The following ADAMTS20 variants were observed in gnomAD, a reference collection of about 807,000 sequenced individuals.
The protein encoded by ADAMTS20 is A disintegrin and metalloproteinase with thrombospondin motifs 20.
A neutral mutation model predicts 260.1 loss-of-function variants in ADAMTS20; 225 were observed. That is an observed-to-expected ratio of 0.87 (90% CI 0.78 to 0.97). ADAMTS20 has a LOEUF of 0.97. Among genes scored for constraint, ADAMTS20 ranks in the 50% least tolerant of loss-of-function variants. The probability of loss-of-function intolerance (pLI) is 0.00; values close to 1 mark genes in which losing one functional copy is unlikely to be tolerated. For missense variants in ADAMTS20, 2,400 were observed against 2,337.7 expected, an observed-to-expected ratio of 1.03 and a Z score of -0.55; for synonymous variants, 802 against 769.5, an observed-to-expected ratio of 1.04 and a Z score of -0.70.
intron 7 of ADAMTS20, among the ~76,000 whole-genome samples, chr12:43,472,317 C>T (rs1463770430): frequency 6.6e-6 from 1 of 151,564 alleles, no homozygotes; most frequent in East Asian, 1.9e-4. Context: ...GCAAAGCCTC[C>T]AAGAAATATG....
chr12:43,444,832 A>G (rs1344144255), intron 15 of ADAMTS20, among the ~76,000 whole-genome samples: 2 of 152,170 alleles, frequency 1.3e-5, no homozygotes, highest in Non-Finnish European at 2.9e-5. Flanking sequence ...ACAGTTCAAA[A>G]AGAGCTTAAA....
chr12:43,462,353 G>A (rs1205867861), intron 11 of ADAMTS20, among the ~76,000 whole-genome samples: 3 of 152,210 alleles, frequency 2.0e-5, no homozygotes, highest in Non-Finnish European at 2.9e-5. Context: ...TTATCATGGT[G>A]AGCGTTATTC....
At chr12:43,418,070 A>C (rs140928187) in intron 28 of ADAMTS20, among the ~76,000 whole-genome samples, 2 of 152,320 alleles carry the variant, frequency 1.3e-5, no homozygotes, top group African/African-American at 4.8e-5. Context: ...GTTAAGTTTA[A>C]AATCATAATG....
intron 28 of ADAMTS20, among the ~76,000 whole-genome samples, chr12:43,418,530 A>G (rs1941173974): frequency 6.6e-6 from 1 of 152,108 alleles, no homozygotes; most frequent in Non-Finnish European, 1.5e-5. Context: ...GGATGGTCTC[A>G]ATCTTACTGA....
chr12:43,460,554 A>T (rs1942041080), intron 11 of ADAMTS20, among the ~76,000 whole-genome samples: 1 of 152,182 alleles, frequency 6.6e-6, no homozygotes, highest in African/African-American at 2.4e-5. Flanking sequence ...GATGTTAAAC[A>T]TACACTCACC....
intron 2 of ADAMTS20, among the ~76,000 whole-genome samples, chr12:43,544,134 A>C (rs1943412218): frequency 6.6e-6 from 1 of 152,218 alleles, no homozygotes; most frequent in Non-Finnish European, 1.5e-5. Flanking sequence ...CAATAATTGC[A>C]ACAGAAATAA....
Position 43,490,402 on chromosome 12 carries a change from G to T in ADAMTS20, c.1110C>A (p.Asn370Lys). ...ATTGACAAAATAACTTACCTAACAT[G>T]TTACATTTCTCTTTAGATGAACAAA... ...EDICSSKEKC[N>K]MLGLSYLGTI... The change falls in exon 7 of 39, where the codon AAC becomes AAA. Residue 370 changes from asparagine (N) to lysine (K), a missense_variant. By Grantham distance (94) the Asn-to-Lys change is moderately conservative. Coordinates refer to ENST00000389420, the MANE Select transcript of ADAMTS20 (RefSeq NM_025003.5). 1.6e-6 allele frequency: 2 copies of T among 1,267,392 alleles called. No individual in the cohort carries two copies. Among genetic ancestry groups the T allele is most frequent in the Non-Finnish European group, 2.1e-6 (2 of 934,476 alleles). 78.5% of individuals were successfully genotyped at this position (1,267,392 alleles called of 1,614,324 possible).
chr12:43,503,547 C>T (rs1252755767), intron 3 of ADAMTS20, among the ~76,000 whole-genome samples: 3 of 151,378 alleles, frequency 2.0e-5, no homozygotes, highest in South Asian at 4.2e-4. Context: ...AAATTTTATT[C>T]GTCTTATTCT....
In ADAMTS20 at chr12:43,425,514, C is replaced by T. The variant is rs767495476; in HGVS notation, c.4284G>A (p.Ser1428=). The T allele has an allele frequency of 4.2e-5, 63 of 1,502,754 alleles. No homozygotes were observed. Among genetic ancestry groups the T allele is most frequent in the Non-Finnish European group, 5.2e-5 (58 of 1,113,684 alleles). The allele number at this position is 1,502,754 out of a possible 1,614,324, so 93.1% of individuals were successfully genotyped here. The change falls in exon 28 of 39, where the codon TCG becomes TCA. Residue 1428 remains serine, a splice_region_variant and synonymous_variant. Transcript: ENST00000389420. ...TTAACAGACAAGAGTGCTATCATAC[C>T]GATGTCCATGGTTCCTGATGCCATG... ...DVSWHQEPWT[S]CSASCGKGRK...
At chr12:43,473,984 A>G (rs1942307403) in intron 7 of ADAMTS20, among the ~76,000 whole-genome samples, 1 of 144,994 alleles carries the variant, frequency 6.9e-6, no homozygotes, top group Admixed American at 6.9e-5. Context: ...AAATAACTAA[A>G]ATCAGAGCAG....
intron 35 of ADAMTS20, among the ~76,000 whole-genome samples, 173 bp from the exon 36 acceptor site, chr12:43,375,685 G>T (rs531628773): frequency 6.6e-6 from 1 of 152,308 alleles, no homozygotes; most frequent in East Asian, 1.9e-4. Flanking sequence ...CATTTTCAAT[G>T]AAACATCTAA....
intron 37 of ADAMTS20, among the ~76,000 whole-genome samples, chr12:43,357,808 T>C (rs1369933091): frequency 6.6e-6 from 1 of 152,164 alleles, no homozygotes; most frequent in Admixed American, 6.5e-5. Flanking sequence ...ATTAAAAACA[T>C]TAAATAGTAG....
At chr12:43,535,200 T>C (rs1485945387) in intron 2 of ADAMTS20, among the ~76,000 whole-genome samples, 1 of 152,172 alleles carries the variant, frequency 6.6e-6, no homozygotes, top group Non-Finnish European at 1.5e-5. Flanking sequence ...AGTCTTCAAA[T>C]AAGCAGTGAC....
At chr12:43,437,184 T>C (rs926108466) in intron 18 of ADAMTS20, among the ~76,000 whole-genome samples, 7 of 152,182 alleles carry the variant, frequency 4.6e-5, no homozygotes, top group African/African-American at 1.7e-4. Context: ...CACTCAGAGA[T>C]ATGATAGAAG....
At chr12:43,481,722 TTTTTG>T (rs961037041) in intron 7 of ADAMTS20, among the ~76,000 whole-genome samples, 8 of 152,178 alleles carry the variant, frequency 5.3e-5, no homozygotes, top group Non-Finnish European at 1.5e-5. Flanking sequence ...AAAAGTCATT[TTTTTG>T]TTTTATTTTT....
chr12:43,472,104 T>C (rs10219593), intron 7 of ADAMTS20, among the ~76,000 whole-genome samples: 48,401 of 147,882 alleles, frequency 0.33, 8,475 homozygotes, highest in East Asian at 0.75. Flanking sequence ...TTTAGAAGAA[T>C]GTATAACTAG....
intron 11 of ADAMTS20, 64 bp downstream of exon 11, chr12:43,462,831 A>G: frequency 7.5e-7 from 1 of 1,340,260 alleles, no homozygotes; most frequent in Non-Finnish European, 1.0e-6. Context: ...GAGTGCTAAA[A>G]TGCAGAGCAA....
intron 3 of ADAMTS20, among the ~76,000 whole-genome samples, chr12:43,511,226 G>A (rs928894238): frequency 6.6e-6 from 1 of 152,048 alleles, no homozygotes; most frequent in Non-Finnish European, 1.5e-5. Flanking sequence ...TGTTCCCGCT[G>A]TCTTCAATCT....
intron 4 of ADAMTS20, among the ~76,000 whole-genome samples, chr12:43,495,854 C>T (rs530417651): frequency 1.3e-5 from 2 of 152,266 alleles, no homozygotes; most frequent in Admixed American, 6.5e-5. Flanking sequence ...TGTCATCATG[C>T]TCATTTTTTC....
Sources: gnomAD v4.1 joint callset for allele counts (sites outside exome capture counted in the v4.1 genomes callset) on GRCh38, gnomAD v4.1.1 for gene constraint, MANE v1.5 for transcripts, NCBI Gene and HGNC (gene_info 2026-07-23, HGNC 2026-07-21) for gene names.